ABTB2: variants seen among roughly 807,000 people sequenced by gnomAD.
ABTB2 encodes the protein ankyrin repeat and BTB/POZ domain-containing protein 2.
Under a neutral mutation model 104.1 loss-of-function variants are expected in ABTB2, and 56 were observed. The ratio of observed to expected loss-of-function variants is 0.54; its 90% confidence interval spans 0.43 to 0.67. ABTB2 has a LOEUF of 0.67. Ranked by LOEUF, ABTB2 falls within the 30% of genes least tolerant of loss-of-function variation. ABTB2 has a pLI of 0.00. For synonymous variants in ABTB2, 606 were observed against 608.2 expected, an observed-to-expected ratio of 1.00 and a Z score of 0.05; for missense variants, 1,279 against 1,407.7, an observed-to-expected ratio of 0.91 and a Z score of 1.46.
At chr11:34,291,480 CTAACTGA>C (rs1854565116) in intron 1 of ABTB2, among the ~76,000 whole-genome samples, 1 of 152,214 alleles carries the variant, frequency 6.6e-6, no homozygotes, top group Non-Finnish European at 1.5e-5. Context: ...AACTATCCTT[CTAACTGA>C]TAAGTTTATT....
chr11:34,186,550 C>T (rs1853101641), intron 3 of ABTB2, among the ~76,000 whole-genome samples: 1 of 152,226 alleles, frequency 6.6e-6, no homozygotes, highest in Non-Finnish European at 1.5e-5. Context: ...ATTGTTGCTG[C>T]CCGTGTTACA....
rs1852738378 is a variant in ABTB2, at chr11:34,162,631, C to T, written c.2163G>A (p.Met721Ile). 1.2e-5 allele frequency: 20 copies of T among 1,613,678 alleles called. No homozygotes were observed. Among genetic ancestry groups the T allele is most frequent in the Non-Finnish European group, 1.7e-5 (20 of 1,180,020 alleles). Residue 721 changes from methionine to isoleucine, a missense_variant, in exon 10 of 17, where the codon ATG (methionine) becomes ATA (isoleucine). Coordinates refer to ENST00000435224, the MANE Select transcript of ABTB2 (RefSeq NM_145804.3). ...RTRTKALQEAMYYSAEHGYVD... is the reference protein window; with the variant it reads ...RTRTKALQEAIYYSAEHGYVD... ...CGTAGCCGTGCTCAGCGCTGTAGTA[C>T]ATGGCCTCCTGTAGGGCCTTGGTGC...
intron 1 of ABTB2, among the ~76,000 whole-genome samples, chr11:34,287,872 C>G (rs950416160): frequency 6.6e-6 from 1 of 152,094 alleles, no homozygotes; most frequent in African/African-American, 2.4e-5. Flanking sequence ...TCCACTCCCC[C>G]AGAAAAGTGA....
intron 3 of ABTB2, among the ~76,000 whole-genome samples, chr11:34,187,456 GC>G (rs1489726924): frequency 6.6e-6 from 1 of 151,134 alleles, no homozygotes; most frequent in Non-Finnish European, 1.5e-5. Context: ...CGTTTAACAA[GC>G]CTTCTGTGAT....
chr11:34,327,032 G>A (rs1590257604), intron 1 of ABTB2, among the ~76,000 whole-genome samples: 2 of 152,160 alleles, frequency 1.3e-5, no homozygotes, highest in Admixed American at 6.5e-5. Flanking sequence ...CCAAGATTGC[G>A]CCACTACACT....
At chr11:34,335,759 G>A (rs1050035558) in intron 1 of ABTB2, 6 of 1,390,060 alleles carry the variant, frequency 4.3e-6, no homozygotes, top group Non-Finnish European at 6.1e-6. Flanking sequence ...CCATTGAGGT[G>A]ACAATCAAAA....
rs1307827245 is a variant in ABTB2, at chr11:34,162,577, C to G, written c.2217G>C (p.Leu739=). The G allele has an allele frequency of 1.2e-6, 2 of 1,613,172 alleles. No homozygotes were observed. Among genetic ancestry groups the G allele is most frequent in the African/African-American group, 1.3e-5 (1 of 75,044 alleles). Residue 739 remains leucine, a splice_region_variant and synonymous_variant, in exon 10 of 17, where the codon CTG becomes CTC. Transcript: ENST00000435224. ...YVDITMELRA[L]GVPWKLHIWI... is the part of the protein sequence containing the mutation. ...GTGTGCATGCCCGTGAGGCCTCACCCAGTGCCCTCAGCTCCATGGTGATGT... is the reference window on the plus strand; with the variant it reads ...GTGTGCATGCCCGTGAGGCCTCACCGAGTGCCCTCAGCTCCATGGTGATGT...
chr11:34,271,384 C>T (rs1049542710), intron 1 of ABTB2, among the ~76,000 whole-genome samples: 6 of 152,210 alleles, frequency 3.9e-5, no homozygotes, highest in Middle Eastern at 3.2e-3. Context: ...CATCCAGACT[C>T]TGGCTCCAGG....
chr11:34,285,348 T>C (rs1854492182), intron 1 of ABTB2, among the ~76,000 whole-genome samples: 1 of 152,026 alleles, frequency 6.6e-6, no homozygotes, highest in Non-Finnish European at 1.5e-5. Context: ...TGGGGATTCA[T>C]CATTATATAG....
chr11:34,152,644 C>T (rs1486724312), intron 16 of ABTB2, 60 bp from the exon 17 acceptor site: 1 of 1,503,860 alleles, frequency 6.6e-7, no homozygotes, highest in African/African-American at 1.4e-5. Flanking sequence ...CACTCACCCT[C>T]ACCCCCAAAT....
chr11:34,248,029 C>T lies in ABTB2; in HGVS notation c.884-43339G>A, dbSNP rs924243441. On this transcript the variant is annotated intron_variant, in intron 1 of 16. Coordinates refer to ENST00000435224, the MANE Select transcript of ABTB2 (RefSeq NM_145804.3). Reference sequence around the variant, plus strand: ...AAGGTCCTTGCTCAGCTTATGGATCCACTGTGGGAAAACCCAAAGGGAACA... The same window carrying T: ...AAGGTCCTTGCTCAGCTTATGGATCTACTGTGGGAAAACCCAAAGGGAACA... 3.3e-5 allele frequency among the ~76,000 whole-genome samples: 5 copies of T among 150,500 alleles called. No homozygotes were observed. In the East Asian group the frequency reaches 7.8e-4, roughly 23 times the overall value.
chr11:34,262,522 G>A (rs1031147592), intron 1 of ABTB2, among the ~76,000 whole-genome samples: 8 of 152,156 alleles, frequency 5.3e-5, no homozygotes, highest in Non-Finnish European at 1.0e-4. Context: ...GGGATGCATA[G>A]CTAGGCTGTG....
chr11:34,246,847 C>CTTTTTTTTTTTTTTTTTTTT (rs199831054), intron 1 of ABTB2, among the ~76,000 whole-genome samples: 1 of 118,284 alleles, frequency 8.5e-6, no homozygotes, highest in Non-Finnish European at 1.8e-5. Flanking sequence ...TTTCTTTTTT[C>CTTTTTTTTTTTTTTTTTTTT]TTTTTTTTTT....
intron 12 of ABTB2, 61 bp downstream of exon 12, chr11:34,160,187 G>A: frequency 2.8e-6 from 4 of 1,447,150 alleles, no homozygotes; most frequent in Non-Finnish European, 9.7e-7. Flanking sequence ...TGGGGAGGAA[G>A]CAGGAAAGGG....
intron 2 of ABTB2, among the ~76,000 whole-genome samples, chr11:34,203,631 G>T (rs1853371021): frequency 6.6e-6 from 1 of 152,176 alleles, no homozygotes; most frequent in South Asian, 2.1e-4. Context: ...CAGCCCTATT[G>T]CAGCTCTGCT....
chr11:34,298,582 C>T (rs1854656921), intron 1 of ABTB2, among the ~76,000 whole-genome samples: 1 of 152,088 alleles, frequency 6.6e-6, no homozygotes, highest in Non-Finnish European at 1.5e-5. Context: ...TGTGCCTCAG[C>T]CTTCCCAGTA....
In ABTB2 at chr11:34,197,434, A is replaced by G. The variant is rs770583059; in HGVS notation, c.1135T>C (p.Trp379Arg). 6 of 1,606,280 alleles carry G rather than the reference A, an allele frequency of 3.7e-6. No homozygotes were observed. The African/African-American group carries it at 6.7e-5, about 18-fold the overall frequency. The change falls in exon 3 of 17, where the codon TGG becomes CGG. Residue 379 changes from tryptophan (W) to arginine (R), a missense_variant. Trp to Arg is a moderately radical substitution (Grantham distance 101). Coordinates refer to ENST00000435224, the MANE Select transcript of ABTB2 (RefSeq NM_145804.3). Reference sequence around the variant, plus strand: ...AGCGTGTGGAGGGCGTCGGGGGACCAAGTGATGGGCTGTGGCGGCTGGCGG... The same window carrying G: ...AGCGTGTGGAGGGCGTCGGGGGACCGAGTGATGGGCTGTGGCGGCTGGCGG... ...QARQPPQPIT[W>R]SPDALHTLYY...
chr11:34,240,693 A>G (rs1853904563), intron 1 of ABTB2, among the ~76,000 whole-genome samples: 1 of 152,130 alleles, frequency 6.6e-6, no homozygotes, highest in Non-Finnish European at 1.5e-5. Context: ...CCCAGGTTCA[A>G]GTGATTCTCC....
intron 3 of ABTB2, among the ~76,000 whole-genome samples, chr11:34,180,146 C>A (rs185985470): frequency 1.3e-5 from 2 of 152,346 alleles, no homozygotes; most frequent in East Asian, 1.9e-4. Flanking sequence ...GCCTTCCCCC[C>A]ACAGCAAGTA....
Sources: allele counts gnomAD v4.1 joint callset (sites outside exome capture counted in the v4.1 genomes callset), GRCh38; gene constraint gnomAD v4.1.1; transcripts MANE v1.5; gene names NCBI Gene and HGNC (gene_info 2026-07-23, HGNC 2026-07-21).